DAB1: variants seen among roughly 807,000 people sequenced by gnomAD.
DAB1 encodes disabled homolog 1.
A neutral mutation model predicts 64.6 loss-of-function variants in DAB1; 15 were observed. The observed-to-expected ratio is 0.23, with a 90% confidence interval of 0.16 to 0.36. DAB1 has a LOEUF of 0.36. Ranked by LOEUF, DAB1 falls within the 10% of genes least tolerant of loss-of-function variation. DAB1 has a pLI of 1.00. For synonymous variants in DAB1, 235 were observed against 251.9 expected (o/e 0.93, Z 0.64); for missense variants, 596 against 706.7 (o/e 0.84, Z 1.78).
intron 7 of DAB1, among the ~76,000 whole-genome samples, chr1:57,617,416 C>T (rs1212786544): frequency 1.3e-5 from 2 of 152,010 alleles, no homozygotes; most frequent in Non-Finnish European, 2.9e-5. Context: ...CTGAGAGGCT[C>T]CTTACTAAAT....
chr1:57,510,562 T>C (rs1314696334), intron 7 of DAB1, among the ~76,000 whole-genome samples: 4 of 152,180 alleles, frequency 2.6e-5, no homozygotes, highest in East Asian at 3.9e-4. Flanking sequence ...GGCTTTCTAA[T>C]TGGGGTCTCT....
At chr1:57,452,078 A>G (rs1686392840) in intron 7 of DAB1, among the ~76,000 whole-genome samples, 2 of 151,372 alleles carry the variant, frequency 1.3e-5, no homozygotes, top group South Asian at 4.2e-4. Context: ...CCAGCTGTCC[A>G]TAGGCCCCAT....
At chr1:58,297,677 G>C (rs760593730) in intron 4 of DAB1, among the ~76,000 whole-genome samples, 13 of 152,218 alleles carry the variant, frequency 8.5e-5, no homozygotes, top group Non-Finnish European at 1.3e-4. Flanking sequence ...AATCCTAGTA[G>C]AGTAATATAG....
At chr1:58,284,303 C>A (rs1661633413) in intron 4 of DAB1, among the ~76,000 whole-genome samples, 1 of 152,236 alleles carries the variant, frequency 6.6e-6, no homozygotes, top group East Asian at 1.9e-4. Flanking sequence ...CCAGCTGGCC[C>A]ATGGGCTCTG....
intron 1 of DAB1, among the ~76,000 whole-genome samples, chr1:57,372,551 C>T (rs1384465648): frequency 2.0e-5 from 3 of 152,096 alleles, no homozygotes; most frequent in East Asian, 1.9e-4. Flanking sequence ...CTAATAAAAA[C>T]GGTAATGACC....
At chr1:57,259,169 C>T (rs1435401474) in intron 2 of DAB1, among the ~76,000 whole-genome samples, 1 of 152,186 alleles carries the variant, frequency 6.6e-6, no homozygotes, top group Non-Finnish European at 1.5e-5. Flanking sequence ...TCTCTGCCTT[C>T]CCTCTTTGCA....
At chr1:57,802,004 G>A (rs559186737) in intron 6 of DAB1, among the ~76,000 whole-genome samples, 1 of 152,258 alleles carries the variant, frequency 6.6e-6, no homozygotes, top group East Asian at 1.9e-4. Context: ...GAGACTATTG[G>A]GGTGCACACC....
intron 6 of DAB1, among the ~76,000 whole-genome samples, chr1:57,766,525 G>A (rs527705227): frequency 6.6e-6 from 1 of 151,986 alleles, no homozygotes; most frequent in South Asian, 2.1e-4. Context: ...TTCTCTGCAC[G>A]CAGTGTTCTT....
chr1:57,554,517 TA>T (rs1182513367), intron 7 of DAB1, among the ~76,000 whole-genome samples: 1 of 152,250 alleles, frequency 6.6e-6, no homozygotes, highest in East Asian at 1.9e-4. Flanking sequence ...CAGTTTCAAC[TA>T]TGGTTTCGAT....
At chr1:57,982,355 C>T (rs1273242123) in intron 5 of DAB1, among the ~76,000 whole-genome samples, 1 of 152,212 alleles carries the variant, frequency 6.6e-6, no homozygotes. Context: ...AATGGCTGCA[C>T]TTGTCTAGCA....
Position 57,613,389 on chromosome 1 carries a change from G to T in DAB1, n.625+36203C>A, listed in dbSNP as rs115935102. Among the ~76,000 whole-genome samples the T allele has an allele frequency of 8.1e-3, 1,236 of 152,248 alleles. 18 individuals are homozygous for T. Among genetic ancestry groups the T allele is most frequent in the African/African-American group, 0.028 (1,143 of 41,550 alleles). ...GCAGGTGGGAGGGTCAGAAGGCCTTGAGCCTCACTCAGCAGCTGCTCCAAG... is the reference window on the plus strand; with the variant it reads ...GCAGGTGGGAGGGTCAGAAGGCCTTTAGCCTCACTCAGCAGCTGCTCCAAG... On this transcript the variant is annotated intron_variant and non_coding_transcript_variant, in intron 7 of 20. Coordinates refer to the DAB1 transcript ENST00000485760.
Position 57,711,832 on chromosome 1 carries a change from G to A in DAB1, n.552-62167C>T, listed in dbSNP as rs924488551. Among the ~76,000 whole-genome samples the A allele has an allele frequency of 2.0e-5, 3 of 152,078 alleles. No individual in the cohort carries two copies. The East Asian group carries it at 5.8e-4, about 29-fold the overall frequency. ...GATTTTTAATAAGAGGCATGTCTATGGAAACAGAAGAAAAACAAAGGTTAA... is the reference window on the plus strand; with the variant it reads ...GATTTTTAATAAGAGGCATGTCTATAGAAACAGAAGAAAAACAAAGGTTAA... On this transcript the variant is annotated intron_variant and non_coding_transcript_variant, in intron 6 of 20. Coordinates refer to the DAB1 transcript ENST00000485760.
chr1:57,256,794 G>A (rs147260653), intron 2 of DAB1, among the ~76,000 whole-genome samples: 63 of 152,192 alleles, frequency 4.1e-4, no homozygotes, highest in African/African-American at 1.5e-3. Flanking sequence ...ACAAGCCTTG[G>A]CTTTCTCCAG....
intron 7 of DAB1, among the ~76,000 whole-genome samples, chr1:57,510,259 T>C (rs549924879): frequency 8.5e-5 from 13 of 152,298 alleles, no homozygotes; most frequent in African/African-American, 2.9e-4. Context: ...GCCTGCACTT[T>C]ACCTCTCAGC....
Position 57,368,031 on chromosome 1 carries a change from C to T in DAB1, c.-137+55899G>A, listed in dbSNP as rs141346539. ...ACCTGCTCCCATGGCCTGGCTTCTT[C>T]CTGCTATTGGCACCTGCTCCCATCT... On this transcript the variant is annotated intron_variant, in intron 1 of 14. Coordinates refer to ENST00000371236, the MANE Select transcript of DAB1 (RefSeq NM_001365792.1). Among the ~76,000 whole-genome samples the T allele has an allele frequency of 4.5e-4, 68 of 152,348 alleles. No individual in the cohort carries two copies. The East Asian group carries it at 9.1e-3, about 20-fold the overall frequency.
At chr1:57,887,722 A>G (rs1471473847), upstream of DAB1, among the ~76,000 whole-genome samples, 1 of 152,226 alleles carries the variant, frequency 6.6e-6, no homozygotes, top group African/African-American at 2.4e-5. Context: ...GAAGATAATA[A>G]TTAACTCATA....
chr1:57,371,237 A>G (rs190711395), intron 1 of DAB1, among the ~76,000 whole-genome samples: 2 of 152,266 alleles, frequency 1.3e-5, no homozygotes, highest in East Asian at 3.9e-4. Context: ...AAGTAAATAG[A>G]CCTTGCAGGG....
At chr1:57,465,940 T>C (rs1046276434) in intron 7 of DAB1, among the ~76,000 whole-genome samples, 4 of 152,364 alleles carry the variant, frequency 2.6e-5, no homozygotes, top group African/African-American at 9.6e-5. Context: ...CAATGTTTTA[T>C]ATGCCAGCTG....
intron 6 of DAB1, among the ~76,000 whole-genome samples, chr1:57,764,549 T>C (rs1649225753): frequency 6.6e-6 from 1 of 152,218 alleles, no homozygotes; most frequent in Non-Finnish European, 1.5e-5. Context: ...CAAAATGTTG[T>C]ATCTTTTAAC....
Sources: gnomAD v4.1 joint callset for allele counts (sites outside exome capture counted in the v4.1 genomes callset) on GRCh38, gnomAD v4.1.1 for gene constraint, MANE v1.5 for transcripts, NCBI Gene and HGNC (gene_info 2026-07-23, HGNC 2026-07-21) for gene names.